The following SRGAP2 variants were observed in gnomAD, a reference collection of about 807,000 sequenced individuals.
The protein encoded by SRGAP2 is SLIT-ROBO Rho GTPase-activating protein 2.
SRGAP2 carries 15 observed loss-of-function variants against 57.2 expected under a neutral mutation model. The ratio of observed to expected loss-of-function variants is 0.26; its 90% confidence interval spans 0.18 to 0.40. The LOEUF is 0.40. SRGAP2 is among the 10% of genes least tolerant of loss of function. SRGAP2 has a pLI of 1.00. For missense variants in SRGAP2, 520 were observed against 669.6 expected (o/e 0.78, Z 2.47); for synonymous variants, 249 against 248.0 (o/e 1.00, Z -0.04).
rs1408124327 is a variant in SRGAP2 at position 206,244,273 on chromosome 1, C to A, written c.67+38236C>A. Among the ~76,000 whole-genome samples the A allele has an allele frequency of 2.6e-5, 2 of 77,590 alleles. 1 individual carries two copies. Among genetic ancestry groups the A allele is most frequent in the African/African-American group, 1.1e-4 (2 of 18,914 alleles). 50.9% of individuals were successfully genotyped at this position (77,590 alleles called of 152,430 possible). ...CAACTTACAGATTAATGTTTTAAAT[C>A]TTTTTTTTTTTTTTTTAAGGCAGAG... is the stretch of plus-strand genomic sequence containing the variant. On this transcript the variant is annotated intron_variant, in intron 2 of 22. Coordinates refer to ENST00000573034, the MANE Select transcript of SRGAP2 (RefSeq NM_015326.5).
chr1:206,226,421 C>T (rs1395384463), intron 2 of SRGAP2, among the ~76,000 whole-genome samples: 11 of 151,940 alleles, frequency 7.2e-5, no homozygotes, highest in Non-Finnish European at 1.2e-4. Flanking sequence ...GAGAGTTTTA[C>T]GCCACAGTTT....
In SRGAP2 at chr1:206,393,577, G is replaced by A; in HGVS notation, c.735G>A (p.Lys245=). The change falls in exon 7 of 23, where the codon AAG becomes AAA. Residue 245 remains lysine, a synonymous_variant. Coordinates refer to ENST00000573034, the MANE Select transcript of SRGAP2 (RefSeq NM_015326.5). The stretch of plus-strand genomic sequence containing the variant: ...CCAAGTACACGGAGAATAAGCTGAA[G>A]GCCATCAAAGCCCGGAATGAGTACT... The part of the protein sequence containing the change: ...RQAKYTENKL[K]AIKARNEYLL... The A allele has an allele frequency of 1.3e-6, 1 of 778,948 alleles. No individual in the cohort carries two copies. Among genetic ancestry groups the A allele is most frequent in the Non-Finnish European group, 2.4e-6 (1 of 417,416 alleles). 48.3% of individuals were successfully genotyped at this position (778,948 alleles called of 1,614,324 possible).
chr1:206,237,382 G>A (rs2102537157), intron 2 of SRGAP2, among the ~76,000 whole-genome samples: 1 of 152,294 alleles, frequency 6.6e-6, no homozygotes, highest in South Asian at 2.1e-4. Flanking sequence ...TTCAAGTAGA[G>A]TTCAGTTGAC....
At chr1:206,310,585 A>G (rs1672569199) in intron 3 of SRGAP2, among the ~76,000 whole-genome samples, 1 of 152,148 alleles carries the variant, frequency 6.6e-6, no homozygotes. Flanking sequence ...TAGTACAGTG[A>G]TGAGACCTCT....
intron 4 of SRGAP2, among the ~76,000 whole-genome samples, chr1:206,372,947 CTTTCTTTCTTTTCTTTCCTTTCTTTCTTT>C (rs1654716821): frequency 0.028 from 312 of 11,022 alleles, 21 homozygotes; most frequent in African/African-American, 0.055. Flanking sequence ...TTCTTTCTTT[CTTTCTTTCTTTTCTTTCCTTTCTTTCTTT>C]CTTTCTTTCT....
chr1:206,421,129 T>A (rs76638320), intron 12 of SRGAP2, 121 bp from the exon 13 acceptor site: 2 of 556,624 alleles, frequency 3.6e-6, no homozygotes, highest in Admixed American at 3.3e-5. Context: ...AGATTTTTTT[T>A]AATTATTAAA....
rs1394084091 is a variant in SRGAP2 at position 206,285,777 on chromosome 1, C to T, written c.68-17504C>T. Among the ~76,000 whole-genome samples, 76 of 152,248 alleles carry T rather than the reference C, an allele frequency of 5.0e-4. 1 individual carries two copies. In the East Asian group the frequency reaches 0.011, roughly 22 times the overall value. On this transcript the variant is annotated intron_variant, in intron 2 of 22. Transcript: ENST00000573034. ...TTGCCTTGTGGGCTCAAGCGGTTCT[C>T]ATGGCTTGGCTTCCTGAGTAGCTGG...
intron 7 of SRGAP2, among the ~76,000 whole-genome samples, chr1:206,395,806 G>A (rs1346530755): frequency 2.7e-5 from 4 of 149,526 alleles, no homozygotes; most frequent in Admixed American, 2.0e-4. Context: ...AAGAAGTGAG[G>A]TATTTTGTAC....
At chr1:206,424,392 C>T (rs908430716) in intron 13 of SRGAP2, among the ~76,000 whole-genome samples, 4 of 152,192 alleles carry the variant, frequency 2.6e-5, no homozygotes, top group Admixed American at 6.5e-5. Flanking sequence ...TCAGTGCTCA[C>T]GCCTTTAGTC....
chr1:206,242,422 C>T (rs1287146143), intron 2 of SRGAP2, among the ~76,000 whole-genome samples: 1 of 143,604 alleles, frequency 7.0e-6, no homozygotes, highest in East Asian at 2.0e-4. Context: ...CCCCTGTCTG[C>T]TTTTCTTTGT....
At chr1:206,437,091 G>T (rs2103318642) in intron 15 of SRGAP2, 49 bp downstream of exon 15, 1 of 779,006 alleles carries the variant, frequency 1.3e-6, no homozygotes, top group South Asian at 1.3e-5. Flanking sequence ...CAGCCCCCTG[G>T]GGTATTGGCT....
intron 17 of SRGAP2, among the ~76,000 whole-genome samples, chr1:206,443,831 T>TG (rs1174697629): frequency 6.6e-6 from 1 of 152,228 alleles, no homozygotes; most frequent in East Asian, 1.9e-4. Flanking sequence ...TGAATTTTTC[T>TG]GGGGAGAGAA....
At chr1:206,456,002 G>A (rs1663803179) in intron 21 of SRGAP2, 1 of 152,248 alleles carries the variant, frequency 6.6e-6, no homozygotes, top group Non-Finnish European at 1.5e-5. Context: ...CAAGCCCCAG[G>A]GCGCTCCTGA....
chr1:206,369,328 G>A (rs1390242647), intron 4 of SRGAP2, among the ~76,000 whole-genome samples: 1 of 151,814 alleles, frequency 6.6e-6, no homozygotes, highest in Non-Finnish European at 1.5e-5. Context: ...GTAAGTCTTC[G>A]TGATCTTGGA....
chr1:206,412,933 C>T (rs1198359882), intron 10 of SRGAP2, among the ~76,000 whole-genome samples: 1 of 152,162 alleles, frequency 6.6e-6, no homozygotes. Flanking sequence ...GTGGTTTCCA[C>T]GCCAGTATTA....
At chr1:206,237,925 GTT>G (rs1245969851) in intron 2 of SRGAP2, among the ~76,000 whole-genome samples, 1 of 85,082 alleles carries the variant, frequency 1.2e-5, no homozygotes, top group Admixed American at 1.4e-4. Flanking sequence ...CTTAGCACCT[GTT>G]ATCATAATTC....
chr1:206,455,021 A>G lies in SRGAP2; in HGVS notation c.2504A>G (p.Asn835Ser). The G allele has an allele frequency of 2.6e-6, 2 of 780,850 alleles. No individual in the cohort carries two copies. Among genetic ancestry groups the G allele is most frequent in the Admixed American group, 1.7e-5 (1 of 59,038 alleles). 48.4% of individuals were successfully genotyped at this position (780,850 alleles called of 1,614,324 possible). ...GCCGATATTTATCTTGCAAACATCAACAAGTAAGCTCTGCTTTTCATTTTC... is the reference window on the plus strand; with the variant it reads ...GCCGATATTTATCTTGCAAACATCAGCAAGTAAGCTCTGCTTTTCATTTTC... The part of the protein sequence containing the change: ...HVADIYLANI[N>S]KQRKRPESGS... Residue 835 changes from asparagine (N) to serine (S), a missense_variant, in exon 21 of 23, where the codon AAC (asparagine) becomes AGC (serine). By Grantham distance (46) the Asn-to-Ser change is conservative. Coordinates refer to ENST00000573034, the MANE Select transcript of SRGAP2 (RefSeq NM_015326.5).
At chr1:206,230,018 C>T (rs1204462111) in intron 2 of SRGAP2, among the ~76,000 whole-genome samples, 1 of 151,240 alleles carries the variant, frequency 6.6e-6, no homozygotes, top group Non-Finnish European at 1.5e-5. Flanking sequence ...TTTGTAATTT[C>T]TATATATTTT....
chr1:206,445,739 A>T (rs905802372), intron 17 of SRGAP2, among the ~76,000 whole-genome samples: 1 of 152,198 alleles, frequency 6.6e-6, no homozygotes, highest in African/African-American at 2.4e-5. Context: ...CTGCAGAGTG[A>T]CATGTTCTCA....
Sources: allele counts gnomAD v4.1 joint callset (sites outside exome capture counted in the v4.1 genomes callset), GRCh38; gene constraint gnomAD v4.1.1; transcripts MANE v1.5; gene names NCBI Gene and HGNC (gene_info 2026-07-23, HGNC 2026-07-21).